BICD1: variants seen among roughly 807,000 people sequenced by gnomAD.
The protein encoded by BICD1 is BICD cargo adaptor 1.
In BICD1, 35 loss-of-function variants were observed where a neutral mutation model predicts 92.5. That is an observed-to-expected ratio of 0.38 (90% CI 0.29 to 0.50). BICD1 has a LOEUF of 0.50. Ranked by LOEUF, BICD1 falls within the 20% of genes least tolerant of loss-of-function variation. BICD1 has a pLI of 0.93. For missense variants in BICD1, 950 were observed against 1,189.8 expected (o/e 0.80, Z 2.97); for synonymous variants, 429 against 465.1 (o/e 0.92, Z 1.00).
intron 1 of BICD1, among the ~76,000 whole-genome samples, chr12:32,113,277 GGAGCT>G (rs1305865548): frequency 6.6e-6 from 1 of 152,118 alleles, no homozygotes; most frequent in Admixed American, 6.6e-5. Context: ...GGAAGACAGT[GGAGCT>G]GAGAATCTTC....
rs990005083 is a variant in BICD1, at chr12:32,328,766, G to A, written c.2100+211G>A. 5.3e-5 allele frequency among the ~76,000 whole-genome samples: 8 copies of A among 152,178 alleles called. No homozygotes were observed. Among genetic ancestry groups the A allele is most frequent in the Admixed American group, 3.9e-4 (6 of 15,276 alleles). Reference sequence around the variant, plus strand: ...CTGTGCCCAGTTAGGTGGAGGCAGAGGTGAGGAACTTAAAGCAGGAACACA... The same window carrying A: ...CTGTGCCCAGTTAGGTGGAGGCAGAAGTGAGGAACTTAAAGCAGGAACACA... On this transcript the variant is annotated intron_variant, in intron 5 of 9. Transcript: ENST00000652176. This position sits in a 1 kb window ranked among gnomAD's most constrained non-coding sequence, Gnocchi z 4.4.
chr12:32,235,763 C>T (rs960275362), intron 2 of BICD1, among the ~76,000 whole-genome samples: 4 of 148,400 alleles, frequency 2.7e-5, no homozygotes, highest in African/African-American at 9.9e-5. Flanking sequence ...TGCAGTGGTG[C>T]GATCTTGGCT....
chr12:32,271,816 C>T (rs1274935882), intron 2 of BICD1, among the ~76,000 whole-genome samples: 1 of 152,136 alleles, frequency 6.6e-6, no homozygotes, highest in African/African-American at 2.4e-5. Flanking sequence ...TCTTCATTTT[C>T]TCTTTGCATA....
At chr12:32,335,508 G>C (rs560914740) in intron 6 of BICD1, among the ~76,000 whole-genome samples, 104 of 151,522 alleles carry the variant, frequency 6.9e-4, no homozygotes, top group African/African-American at 2.3e-3. Flanking sequence ...GAAGTTTTCA[G>C]AATCTTGAGA....
At chr12:32,112,150 G>C (rs1941722178) in intron 1 of BICD1, among the ~76,000 whole-genome samples, 1 of 151,928 alleles carries the variant, frequency 6.6e-6, no homozygotes, top group South Asian at 2.1e-4. Flanking sequence ...AGGATTACAG[G>C]CATGCGCCAC....
chr12:32,131,806 AG>A (rs1942555446), intron 1 of BICD1, among the ~76,000 whole-genome samples: 1 of 152,228 alleles, frequency 6.6e-6, no homozygotes, highest in Admixed American at 6.5e-5. Context: ...GTTAGGTGCC[AG>A]GGTACAAAGT....
chr12:32,263,358 C>G (rs907682540), intron 2 of BICD1, among the ~76,000 whole-genome samples: 2 of 151,876 alleles, frequency 1.3e-5, no homozygotes, highest in Non-Finnish European at 2.9e-5. Context: ...ACCACTCTCG[C>G]CAAGATGGTG....
intron 2 of BICD1, among the ~76,000 whole-genome samples, chr12:32,287,954 T>C (rs1040483007): frequency 2.0e-5 from 3 of 152,210 alleles, no homozygotes; most frequent in Non-Finnish European, 2.9e-5. Flanking sequence ...CAGCTGGTGC[T>C]GACTGCAGGC....
intron 1 of BICD1, among the ~76,000 whole-genome samples, chr12:32,165,862 A>G (rs1348479720): frequency 6.6e-6 from 1 of 152,128 alleles, no homozygotes; most frequent in Non-Finnish European, 1.5e-5. Flanking sequence ...GAACACCTCA[A>G]AACCATAGAG....
intron 9 of BICD1, among the ~76,000 whole-genome samples, chr12:32,371,233 C>T (rs560239965): frequency 1.4e-4 from 21 of 152,280 alleles, no homozygotes; most frequent in South Asian, 4.2e-4. Flanking sequence ...ACAGCCTGGT[C>T]TAGAGCCCAA....
rs1407870051 is a variant in BICD1, at chr12:32,348,592, G to A, written c.2764+9613G>A. Among the ~76,000 whole-genome samples, 4 of 151,728 alleles carry A rather than the reference G, an allele frequency of 2.6e-5. No individual in the cohort carries two copies. The East Asian group carries it at 5.8e-4, about 22-fold the overall frequency. On this transcript the variant is annotated intron_variant, in intron 8 of 9. Transcript: ENST00000652176. ...GGATAGCGGCCTTCAGAAGGTGGCTGTTTCCGGAGGAGTAACAGGGAGGAA... is the reference window on the plus strand; with the variant it reads ...GGATAGCGGCCTTCAGAAGGTGGCTATTTCCGGAGGAGTAACAGGGAGGAA...
intron 8 of BICD1, 175 bp downstream of exon 8, chr12:32,339,154 C>T: frequency 7.5e-7 from 1 of 1,329,684 alleles, no homozygotes; most frequent in Non-Finnish European, 9.5e-7. Flanking sequence ...CTCCTTCACT[C>T]ATATTCCTTA....
rs1351549798 is a variant in BICD1 at position 32,275,675 on chromosome 12, C to T, written c.427-18319C>T. ...CACTGCTGTTTGCCACTGTCGCAGA[C>T]CCGCCGCTGATTCCCATCGCCGCTG... On this transcript the variant is annotated intron_variant, in intron 2 of 9. Transcript: ENST00000652176. 2.0e-5 allele frequency among the ~76,000 whole-genome samples: 3 copies of T among 152,170 alleles called. No individual in the cohort carries two copies. In the East Asian group the frequency reaches 5.8e-4, roughly 29 times the overall value.
intron 1 of BICD1, among the ~76,000 whole-genome samples, chr12:32,144,299 A>G (rs545156184): frequency 2.0e-5 from 3 of 152,226 alleles, no homozygotes; most frequent in Non-Finnish European, 4.4e-5. Flanking sequence ...TGAATTGCAT[A>G]TATAGAGGCT....
intron 6 of BICD1, among the ~76,000 whole-genome samples, chr12:32,335,556 C>T (rs1938076714): frequency 6.8e-6 from 1 of 147,204 alleles, no homozygotes; most frequent in South Asian, 2.2e-4. Flanking sequence ...TTTGCTGTCA[C>T]AATGCAGTGT....
At position 32,377,682 on chromosome 12, in the gene BICD1, G is replaced by C; in HGVS notation, c.*55G>C. On this transcript the variant is annotated 3_prime_UTR_variant, in exon 10 of 10. Transcript: ENST00000652176. Reference sequence around the variant, plus strand: ...GTGGAAGTTTTGTAGCCACACACAGGATACTGCCCAAGATCCAGCGGGTGT... The same window carrying C: ...GTGGAAGTTTTGTAGCCACACACAGCATACTGCCCAAGATCCAGCGGGTGT... 6.9e-7 allele frequency: 1 copy of C among 1,450,294 alleles called. No individual in the cohort carries two copies. The highest frequency in any genetic ancestry group is 2.3e-5 in the East Asian group (1 of 44,032). 89.8% of individuals were successfully genotyped at this position (1,450,294 alleles called of 1,614,324 possible). A position where few individuals can be genotyped will look rare whatever the true frequency, so the allele number is the denominator to read the frequency against.
Position 32,158,102 on chromosome 12 carries a change from T to C in BICD1, c.213+50558T>C, listed in dbSNP as rs988760106. 3.4e-5 allele frequency among the ~76,000 whole-genome samples: 5 copies of C among 147,984 alleles called. No individual in the cohort carries two copies. The East Asian group carries it at 6.5e-4, about 19-fold the overall frequency. ...GATAATTTGAGCCTAGGGGTTTTTTTTTTCTTTTTTTTTTTTTTTTGAGAT... is the reference window on the plus strand; with the variant it reads ...GATAATTTGAGCCTAGGGGTTTTTTCTTTCTTTTTTTTTTTTTTTTGAGAT... On this transcript the variant is annotated intron_variant, in intron 1 of 9. Coordinates refer to ENST00000652176, the MANE Select transcript of BICD1 (RefSeq NM_001714.4).
At chr12:32,242,399 C>T (rs547767434) in intron 2 of BICD1, among the ~76,000 whole-genome samples, 151 of 151,914 alleles carry the variant, frequency 9.9e-4, no homozygotes, top group Admixed American at 1.7e-3. Context: ...TGGTGGCAGG[C>T]ACCTGTAGTC....
intron 1 of BICD1, among the ~76,000 whole-genome samples, chr12:32,155,169 T>G (rs1352389720): frequency 2.0e-5 from 3 of 151,170 alleles, no homozygotes; most frequent in Middle Eastern, 3.4e-3. Flanking sequence ...AAGTGTAGAC[T>G]TCGTCCACAG....
Sources: allele counts gnomAD v4.1 joint callset (sites outside exome capture counted in the v4.1 genomes callset), GRCh38; gene constraint gnomAD v4.1.1; non-coding constraint Gnocchi (gnomAD v3.1); transcripts MANE v1.5; gene names NCBI Gene and HGNC (gene_info 2026-07-23, HGNC 2026-07-21).